SRGAP2B: variants seen among roughly 807,000 people sequenced by gnomAD.
SRGAP2B encodes SLIT-ROBO Rho GTPase activating protein 2B.
A neutral mutation model predicts 22.2 loss-of-function variants in SRGAP2B; 9 were observed. That is an observed-to-expected ratio of 0.41 (90% confidence interval 0.24 to 0.71). The LOEUF (loss-of-function observed/expected upper bound fraction) is 0.71, where lower values mean the gene tolerates loss of function less well. SRGAP2B is among the 30% of genes least tolerant of loss of function. The pLI is 0.35. For missense variants in SRGAP2B, 114 were observed against 235.8 expected (o/e 0.48, Z 3.38); for synonymous variants, 36 against 87.4 (o/e 0.41, Z 3.28).
rs201540095 is a variant in SRGAP2B at position 144,967,231 on chromosome 1, G to A, written c.261-11630C>T. On this transcript the variant is annotated intron_variant, in intron 3 of 9. Coordinates refer to ENST00000612199, the Ensembl canonical transcript of SRGAP2B. ...CCACACCTATTCCAAAATTGACCAC[G>A]TAGTTGGAAGTAAAGCTCTCCTCAG... is the stretch of plus-strand genomic sequence containing the variant. Among the ~76,000 whole-genome samples the A allele has an allele frequency of 3.3e-5, 4 of 122,740 alleles. No homozygotes were observed. The East Asian group carries it at 6.7e-4, about 21-fold the overall frequency. The allele number at this position is 122,740 out of a possible 152,430, so 80.5% of individuals were successfully genotyped here. A position where few individuals can be genotyped will look rare whatever the true frequency, so the allele number is the denominator to read the frequency against.
At chr1:144,928,445 T>A (rs1664917044) in intron 4 of SRGAP2B, among the ~76,000 whole-genome samples, 1 of 126,960 alleles carries the variant, frequency 7.9e-6, no homozygotes, top group Non-Finnish European at 1.8e-5. Flanking sequence ...ATTTATTTAT[T>A]TATTTATTTT....
intron 2 of SRGAP2B, among the ~76,000 whole-genome samples, chr1:145,090,072 G>A (rs1399171973): frequency 6.8e-6 from 1 of 146,618 alleles, no homozygotes; most frequent in African/African-American, 2.7e-5. Flanking sequence ...CTGCATAGCT[G>A]TTACAGCAAT....
At chr1:145,076,423 A>C in intron 2 of SRGAP2B, among the ~76,000 whole-genome samples, 1 of 150,546 alleles carries the variant, frequency 6.6e-6, no homozygotes, top group Middle Eastern at 3.4e-3. Context: ...GAAACAACCC[A>C]TATGTCCGAA....
At chr1:144,915,603 G>A (rs1303361321) in intron 4 of SRGAP2B, among the ~76,000 whole-genome samples, 5 of 150,924 alleles carry the variant, frequency 3.3e-5, no homozygotes, top group Non-Finnish European at 5.9e-5. Flanking sequence ...GCACACGCCT[G>A]TAGTCCCAGC....
At chr1:144,995,719 A>G (rs1670628191) in intron 2 of SRGAP2B, among the ~76,000 whole-genome samples, 1 of 149,180 alleles carries the variant, frequency 6.7e-6, no homozygotes, top group Admixed American at 6.7e-5. Context: ...CCATCATTTC[A>G]AAATGTTGTT....
intron 4 of SRGAP2B, among the ~76,000 whole-genome samples, chr1:144,954,762 T>C (rs587672118): frequency 6.6e-6 from 1 of 150,580 alleles, no homozygotes; most frequent in South Asian, 2.1e-4. Flanking sequence ...TTTTCCTTTG[T>C]CAAATTGTTC....
chr1:144,943,213 A>G (rs1553607741), intron 4 of SRGAP2B, among the ~76,000 whole-genome samples: 2 of 137,698 alleles, frequency 1.5e-5, no homozygotes, highest in Non-Finnish European at 3.1e-5. Context: ...TTTCATGGAA[A>G]GAAAATAATA....
At chr1:145,044,739 C>T (rs1480476250) in intron 2 of SRGAP2B, among the ~76,000 whole-genome samples, 1 of 113,496 alleles carries the variant, frequency 8.8e-6, no homozygotes, top group African/African-American at 3.5e-5. Flanking sequence ...AGCTAAGCAG[C>T]TTAGGGTTTA....
At chr1:145,041,091 AT>A (rs1312573039) in intron 2 of SRGAP2B, among the ~76,000 whole-genome samples, 4 of 121,872 alleles carry the variant, frequency 3.3e-5, no homozygotes, top group African/African-American at 1.3e-4. Context: ...ATATATATAT[AT>A]ATATATATAT....
At chr1:145,061,783 C>T (rs6600738) in intron 2 of SRGAP2B, among the ~76,000 whole-genome samples, 4,151 of 134,992 alleles carry the variant, frequency 0.031, 120 homozygotes, top group African/African-American at 0.11. Context: ...TTAGTAGAGA[C>T]GGGGTTTCAC....
intron 3 of SRGAP2B, among the ~76,000 whole-genome samples, chr1:144,974,483 G>GA (rs1194334131): frequency 6.8e-6 from 1 of 146,774 alleles, no homozygotes; most frequent in African/African-American, 2.6e-5. Context: ...GTGTCTGGAG[G>GA]AAAGAGAAAT....
chr1:144,965,991 T>A (rs1252343511), intron 3 of SRGAP2B, among the ~76,000 whole-genome samples: 1 of 150,706 alleles, frequency 6.6e-6, no homozygotes, highest in East Asian at 1.9e-4. Context: ...TGGGACTATG[T>A]GAAAAGACCA....
chr1:144,957,178 C>G (rs189746278), intron 3 of SRGAP2B, among the ~76,000 whole-genome samples: 1 of 151,072 alleles, frequency 6.6e-6, no homozygotes, highest in Admixed American at 6.6e-5. Context: ...CAGTCAGACT[C>G]CTACTACAAG....
In SRGAP2B at chr1:145,088,183, GAGA is replaced by G. The variant is rs1163812943; in HGVS notation, c.67+4649_67+4651del. Reference sequence around the variant, plus strand: ...GGGAGCTGTGAGGAAAGAAGCTTTGGAGAAGACCTTTGTTGGCATGAATGAAAA... The same window carrying G: ...GGGAGCTGTGAGGAAAGAAGCTTTGGAGACCTTTGTTGGCATGAATGAAAA... On this transcript the variant is annotated intron_variant, in intron 2 of 9. Coordinates refer to ENST00000612199, the Ensembl canonical transcript of SRGAP2B. Among the ~76,000 whole-genome samples the G allele has an allele frequency of 1.6e-4, 19 of 120,282 alleles. 1 individual carries two copies. Among genetic ancestry groups the G allele is most frequent in the Admixed American group, 5.9e-4 (7 of 11,944 alleles). The allele number at this position is 120,282 out of a possible 152,430, so 78.9% of individuals were successfully genotyped here. A position where few individuals can be genotyped will look rare whatever the true frequency, so the allele number is the denominator to read the frequency against.
intron 5 of SRGAP2B, among the ~76,000 whole-genome samples, chr1:144,909,536 G>A (rs1287116967): frequency 6.2e-5 from 9 of 145,044 alleles, no homozygotes; most frequent in Admixed American, 2.0e-4. Flanking sequence ...GCAGTGAGCC[G>A]AGATCACGCC....
intron 4 of SRGAP2B, among the ~76,000 whole-genome samples, chr1:144,939,662 T>A (rs1665880868): frequency 6.7e-6 from 1 of 149,290 alleles, no homozygotes; most frequent in Non-Finnish European, 1.5e-5. Flanking sequence ...TGGTTATTTG[T>A]GGTCCTGAAT....
intron 4 of SRGAP2B, among the ~76,000 whole-genome samples, chr1:144,945,579 T>G (rs1666436712): frequency 1.3e-5 from 2 of 150,796 alleles, no homozygotes; most frequent in African/African-American, 5.0e-5. Flanking sequence ...GGACAGAGAC[T>G]CCATCTCTTT....
chr1:144,911,779 G>A (rs1337019694), intron 5 of SRGAP2B, among the ~76,000 whole-genome samples: 4,292 of 137,936 alleles, frequency 0.031, 120 homozygotes, highest in Non-Finnish European at 0.044. Context: ...CACCATGCCC[G>A]GCTAGTTTTT....
intron 3 of SRGAP2B, among the ~76,000 whole-genome samples, chr1:144,990,913 G>A (rs1449330030): frequency 1.3e-5 from 2 of 151,076 alleles, no homozygotes; most frequent in Non-Finnish European, 2.9e-5. Flanking sequence ...CCTGCAGCCC[G>A]CCATGTCTGA....
Sources: allele counts gnomAD v4.1 joint callset (sites outside exome capture counted in the v4.1 genomes callset), GRCh38; gene constraint gnomAD v4.1.1; transcripts MANE v1.5; gene names NCBI Gene and HGNC (gene_info 2026-07-23, HGNC 2026-07-21).